Variants in HK2 observed in about 807,000 individuals in gnomAD.
HK2 encodes the protein hexokinase 2.
HK2 carries 42 observed loss-of-function variants against 92.9 expected under a neutral mutation model. The observed-to-expected ratio is 0.45, with a 90% CI of 0.35 to 0.58. The LOEUF is 0.58. Among genes scored for constraint, HK2 ranks in the 20% least tolerant of loss-of-function variants. The pLI is 0.00. For missense variants in HK2, 978 were observed against 1,245.1 expected, an observed-to-expected ratio of 0.79 and a Z score of 3.23; for synonymous variants, 422 against 468.0, an observed-to-expected ratio of 0.90 and a Z score of 1.27.
chr2:74,858,506 A>G (rs995377267), intron 2 of HK2, among the ~76,000 whole-genome samples: 1 of 152,192 alleles, frequency 6.6e-6, no homozygotes, highest in South Asian at 2.1e-4. Context: ...TCTGAGAATT[A>G]AGGGAGAATC....
intron 11 of HK2, 70 bp from the exon 12 acceptor site, chr2:74,882,050 C>T (rs373973013): frequency 4.0e-5 from 60 of 1,493,332 alleles, no homozygotes; most frequent in Middle Eastern, 3.8e-4. Flanking sequence ...TGATGTTGTG[C>T]GCAGGCCCTA....
chr2:74,885,139 G>A (rs1689490945), intron 12 of HK2, among the ~76,000 whole-genome samples: 1 of 152,208 alleles, frequency 6.6e-6, no homozygotes, highest in East Asian at 1.9e-4. Context: ...GGGTCGGAGG[G>A]CCTCGGAGTG....
chr2:74,838,598 G>A (rs369995848), intron 1 of HK2, among the ~76,000 whole-genome samples: 7 of 151,010 alleles, frequency 4.6e-5, no homozygotes, highest in East Asian at 1.9e-4. Context: ...GAGTGCAGTG[G>A]CGCAATCTCA....
rs780580677 is a variant in HK2 at position 74,844,977 on chromosome 2, A to G, written c.64-9316A>G. Among the ~76,000 whole-genome samples the G allele has an allele frequency of 4.7e-4, 72 of 152,186 alleles. 2 individuals carry two copies. Among genetic ancestry groups the G allele is most frequent in the Non-Finnish European group, 9.8e-4 (67 of 68,022 alleles). On this transcript the variant is annotated intron_variant, in intron 1 of 17. Transcript: ENST00000290573. ...TCCTAGTATTGAGATAGCTGCTGCT[A>G]TGACTGCAGAGAGGCCATTTATGCT...
intron 9 of HK2, among the ~76,000 whole-genome samples, chr2:74,879,321 T>C (rs1689322653): frequency 6.6e-6 from 1 of 152,188 alleles, no homozygotes; most frequent in Admixed American, 6.5e-5. Flanking sequence ...TGGTATTAAA[T>C]TGATCCTGCC....
At chr2:74,878,578 A>T in intron 8 of HK2, 110 bp from the exon 9 acceptor site, 1 of 847,948 alleles carries the variant, frequency 1.2e-6, no homozygotes. Context: ...TTCTGTCCCC[A>T]CTGGGTGGTG....
rs960996346 is a variant in HK2 at position 74,892,897 on chromosome 2, C to T, written c.*1956C>T. 2.0e-5 allele frequency: 3 copies of T among 152,110 alleles called. No homozygotes were observed. Among genetic ancestry groups the T allele is most frequent in the Admixed American group, 1.3e-4 (2 of 15,280 alleles). 9.4% of individuals were successfully genotyped at this position (152,110 alleles called of 1,614,324 possible). ...CCCATCTGCACTAATTGACCCAAAA[C>T]GTGGGTATTTCCTGCTACACAAAAG... On this transcript the variant is annotated 3_prime_UTR_variant, in exon 18 of 18. Coordinates refer to ENST00000290573, the MANE Select transcript of HK2 (RefSeq NM_000189.5).
At position 74,882,256 on chromosome 2, in the gene HK2, G is replaced by T; in HGVS notation, c.1839+17G>T. 1 of 1,613,814 alleles carries T rather than the reference G, an allele frequency of 6.2e-7. No individual in the cohort carries two copies. The highest frequency in any genetic ancestry group is 8.5e-7 in the Non-Finnish European group (1 of 1,179,824). On this transcript the variant is annotated intron_variant, in intron 12 of 17. Transcript: ENST00000290573. ...CTGGACGAGGTAACAGCACCTTCCT[G>T]GAGGGCTCTCCTGTGGGCTTTATTG...
Position 74,881,816 on chromosome 2 carries a change from T to C in HK2, c.1676T>C (p.Ile559Thr), listed in dbSNP as rs772844298. The C allele has an allele frequency of 1.2e-6, 2 of 1,614,114 alleles. No homozygotes were observed. The highest frequency in any genetic ancestry group is 4.5e-5 in the East Asian group (2 of 44,870). ...KWGGVEMHNK[I>T]YAIPQEVMHG... ...GGTGGAGTGGAGATGCACAACAAGA[T>C]CTACGCCATCCCGCAGGAGGTCATG... The change falls in exon 11 of 18, where the codon ATC becomes ACC. Residue 559 changes from isoleucine to threonine, a missense_variant. Coordinates refer to ENST00000290573, the MANE Select transcript of HK2 (RefSeq NM_000189.5).
At chr2:74,879,933 A>C (rs114973125) in intron 9 of HK2, among the ~76,000 whole-genome samples, 1 of 152,352 alleles carries the variant, frequency 6.6e-6, no homozygotes, top group African/African-American at 2.4e-5. Flanking sequence ...AAAGAGGCTG[A>C]TGGTACCATG....
intron 16 of HK2, among the ~76,000 whole-genome samples, 182 bp from the exon 17 acceptor site, chr2:74,889,063 C>G (rs1689607853): frequency 6.6e-6 from 1 of 152,260 alleles, no homozygotes; most frequent in African/African-American, 2.4e-5. Context: ...CAGGAAGAGT[C>G]AATGCAGTGC....
chr2:74,884,310 C>T (rs1689470334), intron 12 of HK2, among the ~76,000 whole-genome samples: 1 of 152,232 alleles, frequency 6.6e-6, no homozygotes, highest in Admixed American at 6.5e-5. Context: ...TGGCAAGACC[C>T]TCCTGTGATG....
intron 7 of HK2, among the ~76,000 whole-genome samples, chr2:74,875,656 G>T (rs116220686): frequency 0.011 from 1,700 of 152,232 alleles, 33 homozygotes; most frequent in African/African-American, 0.037. Context: ...TCAAAGCATG[G>T]TTTATTTATC....
At chr2:74,888,276 C>A (rs771421306) in intron 16 of HK2, among the ~76,000 whole-genome samples, 1 of 152,216 alleles carries the variant, frequency 6.6e-6, no homozygotes, top group Non-Finnish European at 1.5e-5. Flanking sequence ...CTAAGCCTGG[C>A]CTGAGGTCAT....
intron 1 of HK2, among the ~76,000 whole-genome samples, chr2:74,853,780 A>G (rs1688627747): frequency 6.6e-6 from 1 of 151,914 alleles, no homozygotes; most frequent in Non-Finnish European, 1.5e-5. Context: ...CTTTGTTCCA[A>G]TGGAAAGCCC....
At chr2:74,863,681 C>G (rs1285582478) in intron 2 of HK2, among the ~76,000 whole-genome samples, 1 of 152,140 alleles carries the variant, frequency 6.6e-6, no homozygotes, top group Non-Finnish European at 1.5e-5. Flanking sequence ...GAGCAGTCCA[C>G]TGTTGTGTGC....
In HK2 at chr2:74,864,319, T is replaced by A. The variant is rs558449501; in HGVS notation, c.227-3317T>A. On this transcript the variant is annotated intron_variant, in intron 2 of 17. Coordinates refer to ENST00000290573, the MANE Select transcript of HK2 (RefSeq NM_000189.5). ...CCCTATGTTGTAGCTACTCTGGACATGCCATTTTTTGGCACCCACAAATTA... is the reference window on the plus strand; with the variant it reads ...CCCTATGTTGTAGCTACTCTGGACAAGCCATTTTTTGGCACCCACAAATTA... 3.3e-5 allele frequency among the ~76,000 whole-genome samples: 5 copies of A among 152,358 alleles called. No homozygotes were observed. In the South Asian group the frequency reaches 1.0e-3, roughly 32 times the overall value.
At chr2:74,852,688 T>TA (rs886620139) in intron 1 of HK2, among the ~76,000 whole-genome samples, 138 of 145,556 alleles carry the variant, frequency 9.5e-4, no homozygotes, top group Middle Eastern at 3.5e-3. Context: ...ATTAAAAGAT[T>TA]AAAAAAAAAA....
Position 74,882,331 on chromosome 2 carries a change from A to C in HK2, c.1839+92A>C, listed in dbSNP as rs1689418328. The C allele has an allele frequency of 2.5e-6, 4 of 1,595,260 alleles. No individual in the cohort carries two copies. The African/African-American group carries it at 5.4e-5, about 21-fold the overall frequency. On this transcript the variant is annotated intron_variant, in intron 12 of 17. Transcript: ENST00000290573. ...TGGAGCAGGGGAGAAAGTTGAGCTA[A>C]GACTAAGGAAAGGAGGGCGTGAGTT...
Sources: allele counts gnomAD v4.1 joint callset (sites outside exome capture counted in the v4.1 genomes callset), GRCh38; gene constraint gnomAD v4.1.1; transcripts MANE v1.5; gene names NCBI Gene and HGNC (gene_info 2026-07-23, HGNC 2026-07-21).